Variants in DNAH5 observed in about 807,000 individuals in gnomAD.
The protein encoded by DNAH5 is dynein axonemal heavy chain 5, also known as axonemal beta dynein heavy chain 5.
Under a neutral mutation model 518.2 loss-of-function variants are expected in DNAH5, and 372 were observed. The observed-to-expected ratio is 0.72, with a 90% CI of 0.66 to 0.78. The LOEUF (loss-of-function observed/expected upper bound fraction) is 0.78, where lower values mean the gene tolerates loss of function less well. DNAH5 is among the 30% of genes least tolerant of loss of function. DNAH5 has a pLI of 0.00. For missense variants in DNAH5, 5,523 were observed against 5,687.0 expected, an observed-to-expected ratio of 0.97 and a Z score of 0.93; for synonymous variants, 2,039 against 2,025.9, an observed-to-expected ratio of 1.01 and a Z score of -0.17.
Position 13,718,687 on chromosome 5 carries a change from A to T in DNAH5, c.12499+195T>A, listed in dbSNP as rs1159177155. Among the ~76,000 whole-genome samples the T allele has an allele frequency of 1.8e-4, 27 of 152,226 alleles. 1 individual carries two copies. Among genetic ancestry groups the T allele is most frequent in the Admixed American group, 1.0e-3 (16 of 15,284 alleles). ...CAGTACTGGGAAAATAGGAAACTAG[A>T]AGGTGGGAATCATGAGCTCTGATTC... On this transcript the variant is annotated intron_variant, in intron 72 of 78. Coordinates refer to ENST00000265104, the MANE Select transcript of DNAH5 (RefSeq NM_001369.3).
intron 1 of DNAH5, among the ~76,000 whole-genome samples, chr5:13,987,583 T>C (rs912371359): frequency 1.6e-4 from 25 of 152,216 alleles, no homozygotes; most frequent in Non-Finnish European, 1.5e-5. Context: ...CCAGGCACAG[T>C]GGCTCACGCC....
chr5:13,695,876 G>A (rs562284975), intron 78 of DNAH5, among the ~76,000 whole-genome samples: 15 of 151,876 alleles, frequency 9.9e-5, no homozygotes, highest in East Asian at 5.8e-4. Context: ...ACATGCACAC[G>A]CACATACACA....
intron 42 of DNAH5, among the ~76,000 whole-genome samples, chr5:13,816,404 A>C (rs1761445315): frequency 6.6e-6 from 1 of 152,198 alleles, no homozygotes; most frequent in African/African-American, 2.4e-5. Flanking sequence ...TTTGCTATGC[A>C]ACAACCGTGG....
chr5:13,738,817 TAAAGA>T (rs1747974270), intron 65 of DNAH5, among the ~76,000 whole-genome samples: 1 of 152,054 alleles, frequency 6.6e-6, no homozygotes, highest in Non-Finnish European at 1.5e-5. Flanking sequence ...TCTGTGATGC[TAAAGA>T]AAAGAATCAA....
Position 13,811,748 on chromosome 5 carries a change from A to T in DNAH5, c.7306T>A (p.Tyr2436Asn), listed in dbSNP as rs373885245. Residue 2436 changes from tyrosine to asparagine, a missense_variant, in exon 44 of 79, where the codon TAT becomes AAT. Physicochemically the swap from Tyr to Asn is moderately radical, Grantham distance 143. Coordinates refer to ENST00000265104, the MANE Select transcript of DNAH5 (RefSeq NM_001369.3). ...TCTAAGTTCTGGATACAGAAGCGAT[A>T]CAAGTCTGGGAAAGACTCGGTGTAC... ...QLYTESFPDL[Y>N]RFCIQNLEYK... 3.7e-6 allele frequency: 6 copies of T among 1,614,190 alleles called. No individual in the cohort carries two copies. The South Asian group carries it at 6.6e-5, about 18-fold the overall frequency.
chr5:13,920,990 T>TC (rs1777195391), intron 5 of DNAH5, among the ~76,000 whole-genome samples: 1 of 151,854 alleles, frequency 6.6e-6, no homozygotes, highest in Non-Finnish European at 1.5e-5. Context: ...TTTTATTTTT[T>TC]TAGTAGTAAA....
chr5:13,713,396 C>CAT (rs1406046791), intron 75 of DNAH5, among the ~76,000 whole-genome samples: 14 of 117,654 alleles, frequency 1.2e-4, no homozygotes, highest in Non-Finnish European at 1.7e-4. Flanking sequence ...TATACACTGA[C>CAT]ATATATATAT....
At chr5:13,752,401 A>G in intron 63 of DNAH5, 112 bp from the exon 64 acceptor site, 1 of 1,281,628 alleles carries the variant, frequency 7.8e-7, no homozygotes, top group Non-Finnish European at 1.1e-6. Flanking sequence ...GACAAATACA[A>G]ATTGAGCATC....
chr5:13,840,864 T>A (rs780705312), intron 34 of DNAH5, 42 bp downstream of exon 34: 1 of 1,525,666 alleles, frequency 6.6e-7, no homozygotes, highest in Non-Finnish European at 9.1e-7. Context: ...GTGTCTAGAA[T>A]TTGTTTTTCT....
intron 17 of DNAH5, 72 bp from the exon 18 acceptor site, chr5:13,886,201 AC>A: frequency 6.9e-7 from 1 of 1,452,454 alleles, no homozygotes; most frequent in South Asian, 1.2e-5. Context: ...GAGCACAGAA[AC>A]AGTGGTAGCA....
upstream of DNAH5, among the ~76,000 whole-genome samples, chr5:13,947,369 C>T (rs1780012628): frequency 6.6e-6 from 1 of 152,144 alleles, no homozygotes; most frequent in Non-Finnish European, 1.5e-5. Flanking sequence ...TGGGGTCAGA[C>T]AGACCTGAAC....
intron 31 of DNAH5, among the ~76,000 whole-genome samples, chr5:13,847,754 A>AG (rs1026340568): frequency 6.6e-6 from 1 of 150,988 alleles, no homozygotes; most frequent in Non-Finnish European, 1.5e-5. Flanking sequence ...AAAAAAATAA[A>AG]GGGGGGATTT....
At chr5:13,952,451 C>G (rs1220367025) in intron 1 of DNAH5, among the ~76,000 whole-genome samples, 1 of 152,174 alleles carries the variant, frequency 6.6e-6, no homozygotes, top group Non-Finnish European at 1.5e-5. Flanking sequence ...ATGATTTGAT[C>G]ACCCCAGAAA....
chr5:13,804,628 CAG>C (rs1467803565), intron 47 of DNAH5, among the ~76,000 whole-genome samples: 4 of 152,158 alleles, frequency 2.6e-5, no homozygotes, highest in Non-Finnish European at 5.9e-5. Context: ...TGGCACGAAA[CAG>C]AGTGGATGAT....
chr5:13,731,019 A>C (rs1746473071), intron 68 of DNAH5, among the ~76,000 whole-genome samples: 1 of 152,186 alleles, frequency 6.6e-6, no homozygotes, highest in Middle Eastern at 3.2e-3. Context: ...ATTATTCATA[A>C]AATGATAAAA....
chr5:13,762,936 CT>C (rs1261886372), intron 59 of DNAH5, 35 bp from the exon 60 acceptor site: 2 of 1,562,918 alleles, frequency 1.3e-6, no homozygotes, highest in Non-Finnish European at 8.8e-7. Context: ...AGTCGAAACA[CT>C]TCTTTCCATA....
In DNAH5 at chr5:13,919,295, C is replaced by G. The variant is rs1265087928; in HGVS notation, c.856G>C (p.Glu286Gln). 6.2e-7 allele frequency: 1 copy of G among 1,614,030 alleles called. No individual in the cohort carries two copies. The change falls in exon 7 of 79, where the codon GAG becomes CAG. Residue 286 changes from glutamate to glutamine, a missense_variant. This residue lies in a region of DNAH5 where 5,121 missense variants were observed against 5,223.3 expected (regional missense o/e 0.98). Transcript: ENST00000265104. The stretch of plus-strand genomic sequence containing the variant: ...AGTCTTTTTTTCCAGTGCTCCAGCT[C>G]CGCTCGTGGCCCAACGTCATCCGCT... ...KEADDVGPRA[E>Q]LEHWKKRLSK...
chr5:13,989,175 G>A (rs1783310856), intron 1 of DNAH5, among the ~76,000 whole-genome samples: 1 of 152,020 alleles, frequency 6.6e-6, no homozygotes, highest in Admixed American at 6.6e-5. Context: ...TGAAGTGTAG[G>A]GATATTGTGA....
chr5:14,010,826 T>G (rs1249617375), intron 1 of DNAH5, among the ~76,000 whole-genome samples: 4 of 152,026 alleles, frequency 2.6e-5, no homozygotes, highest in Non-Finnish European at 4.4e-5. Flanking sequence ...AAGTATAAAT[T>G]TATATCTTTA....
Sources: allele counts gnomAD v4.1 joint callset (sites outside exome capture counted in the v4.1 genomes callset), GRCh38; gene constraint gnomAD v4.1.1; regional missense constraint gnomAD v4.1.1; transcripts MANE v1.5; gene names NCBI Gene and HGNC (gene_info 2026-07-23, HGNC 2026-07-21).